Variants in THSD4 observed in about 807,000 individuals in gnomAD.
THSD4 encodes the protein thrombospondin type-1 domain-containing protein 4.
Under a neutral mutation model 119.0 loss-of-function variants are expected in THSD4, and 69 were observed. The ratio of observed to expected loss-of-function variants is 0.58; its 90% CI spans 0.48 to 0.71. THSD4 has a LOEUF of 0.71. Among genes scored for constraint, THSD4 ranks in the 30% least tolerant of loss-of-function variants. THSD4 has a pLI of 0.00. For synonymous variants in THSD4, 524 were observed against 540.4 expected, an observed-to-expected ratio of 0.97 and a Z score of 0.42; for missense variants, 1,393 against 1,391.1, an observed-to-expected ratio of 1.00 and a Z score of -0.02.
intron 17 of THSD4, among the ~76,000 whole-genome samples, chr15:71,774,039 G>A (rs2053869069): frequency 6.6e-6 from 1 of 152,140 alleles, no homozygotes; most frequent in Non-Finnish European, 1.5e-5. Context: ...AGGGCCGGGT[G>A]CGGTGGCTCA....
chr15:71,409,898 TTG>T (rs1491042890), intron 6 of THSD4, among the ~76,000 whole-genome samples: 1 of 152,042 alleles, frequency 6.6e-6, no homozygotes, highest in Non-Finnish European at 1.5e-5. Flanking sequence ...TTTTTTTTTT[TTG>T]TTTTTTTTAC....
chr15:71,436,724 G>C (rs1566982132), intron 7 of THSD4, among the ~76,000 whole-genome samples: 1 of 152,178 alleles, frequency 6.6e-6, no homozygotes, highest in Non-Finnish European at 1.5e-5. Flanking sequence ...ATAGCACGGG[G>C]GAATTGCAGG....
chr15:71,585,647 ATTATTTCTCTAAAC>A (rs765703715), intron 7 of THSD4, among the ~76,000 whole-genome samples: 16 of 152,082 alleles, frequency 1.1e-4, no homozygotes, highest in Non-Finnish European at 1.8e-4. Flanking sequence ...GTTTCTTGTC[ATTATTTCTCTAAAC>A]AAGTTTTCTG....
chr15:71,720,630 A>G lies in THSD4; in HGVS notation c.1358-7919A>G, dbSNP rs547109191. Among the ~76,000 whole-genome samples, 5 of 152,318 alleles carry G rather than the reference A, an allele frequency of 3.3e-5. No individual in the cohort carries two copies. The East Asian group carries it at 9.7e-4, about 29-fold the overall frequency. ...GAACCCACCAAGGCAGTACAGGAAG[A>G]GTTATATTTCATTTTCAGGGTATCC... On this transcript the variant is annotated intron_variant, in intron 8 of 17. Coordinates refer to ENST00000261862, the MANE Select transcript of THSD4 (RefSeq NM_024817.3).
chr15:71,702,216 G>A (rs1391364179), intron 8 of THSD4, among the ~76,000 whole-genome samples: 1 of 152,156 alleles, frequency 6.6e-6, no homozygotes, highest in Admixed American at 6.5e-5. Context: ...GGACCCTGCA[G>A]CCTGGAATGT....
intron 7 of THSD4, among the ~76,000 whole-genome samples, chr15:71,543,040 G>A (rs1044976585): frequency 1.6e-5 from 2 of 123,728 alleles, no homozygotes; most frequent in Non-Finnish European, 3.9e-5. Flanking sequence ...ATGTAATTGT[G>A]GTCTCCTGGA....
At chr15:71,714,707 G>T (rs770722024) in intron 8 of THSD4, among the ~76,000 whole-genome samples, 1 of 151,152 alleles carries the variant, frequency 6.6e-6, no homozygotes, top group African/African-American at 2.5e-5. Flanking sequence ...TTAGCCGAGC[G>T]TGGTGACGCA....
At chr15:71,135,885 T>C (rs1228791668) in intron 1 of THSD4, among the ~76,000 whole-genome samples, 1 of 152,128 alleles carries the variant, frequency 6.6e-6, no homozygotes, top group African/African-American at 2.4e-5. Context: ...GAGGGCCTTA[T>C]TGGATCCCCG....
chr15:71,357,522 A>G (rs1596363370), intron 6 of THSD4, among the ~76,000 whole-genome samples: 1 of 152,216 alleles, frequency 6.6e-6, no homozygotes, highest in Non-Finnish European at 1.5e-5. Context: ...TGCGGCTGCC[A>G]GGTTTCGAGA....
chr15:71,584,909 TTATATC>T (rs1198605104), intron 7 of THSD4, among the ~76,000 whole-genome samples: 4 of 152,176 alleles, frequency 2.6e-5, no homozygotes, highest in African/African-American at 4.8e-5. Flanking sequence ...ATAAAACATC[TTATATC>T]TATAATAGTC....
intron 6 of THSD4, among the ~76,000 whole-genome samples, chr15:71,313,801 C>T (rs2045147378): frequency 6.6e-6 from 1 of 152,184 alleles, no homozygotes; most frequent in Non-Finnish European, 1.5e-5. Context: ...CAGGTTTGTA[C>T]CGACTGGGGG....
chr15:71,686,124 A>G (rs368667632), intron 8 of THSD4, among the ~76,000 whole-genome samples: 17 of 152,338 alleles, frequency 1.1e-4, no homozygotes, highest in African/African-American at 3.8e-4. Context: ...TTTTAAATGT[A>G]CAGTTCAGTG....
chr15:71,408,292 G>A (rs1045255152), intron 6 of THSD4, among the ~76,000 whole-genome samples: 1 of 152,118 alleles, frequency 6.6e-6, no homozygotes, highest in African/African-American at 2.4e-5. Flanking sequence ...GAGTGCAGTC[G>A]TACAGTCACA....
chr15:71,613,173 C>T (rs1501429), intron 7 of THSD4, among the ~76,000 whole-genome samples: 29,146 of 152,134 alleles, frequency 0.19, 3,154 homozygotes, highest in Non-Finnish European at 0.24. Flanking sequence ...GAACCTCAAA[C>T]CCTGTGAGTC....
chr15:71,127,714 G>T (rs944669435), intron 1 of THSD4, among the ~76,000 whole-genome samples: 2 of 152,048 alleles, frequency 1.3e-5, no homozygotes, highest in Non-Finnish European at 2.9e-5. Flanking sequence ...GTGTATCTTT[G>T]TTTGAGAAAT....
At chr15:71,472,752 A>T (rs2047599068) in intron 7 of THSD4, among the ~76,000 whole-genome samples, 1 of 152,192 alleles carries the variant, frequency 6.6e-6, no homozygotes, top group Non-Finnish European at 1.5e-5. Flanking sequence ...ATTTCACAGG[A>T]GGCTGACTTG....
chr15:71,176,011 C>T (rs1328210779), intron 3 of THSD4, among the ~76,000 whole-genome samples: 7 of 75,916 alleles, frequency 9.2e-5, no homozygotes, highest in African/African-American at 2.2e-4. Context: ...AAGGAACAAC[C>T]GGTACCAGCC....
chr15:71,329,876 T>A (rs1004946048), intron 6 of THSD4, among the ~76,000 whole-genome samples: 1 of 152,164 alleles, frequency 6.6e-6, no homozygotes, highest in South Asian at 2.1e-4. Context: ...AGCCCATGAG[T>A]TTGAGACCAG....
chr15:71,135,633 A>G (rs552074524), intron 1 of THSD4, among the ~76,000 whole-genome samples: 112 of 152,300 alleles, frequency 7.4e-4, no homozygotes, highest in African/African-American at 2.4e-3. Flanking sequence ...GGGTACCTTG[A>G]AGAAATAAGA....
Sources: gnomAD v4.1 joint callset for allele counts (sites outside exome capture counted in the v4.1 genomes callset) on GRCh38, gnomAD v4.1.1 for gene constraint, MANE v1.5 for transcripts, NCBI Gene and HGNC (gene_info 2026-07-23, HGNC 2026-07-21) for gene names.